Variants in UGT1A1 observed in about 807,000 individuals in gnomAD.
UGT1A1 encodes UDP glucuronosyltransferase family 1 member A1.
In UGT1A1, 33 loss-of-function variants were observed where a neutral mutation model predicts 40.6. That is an observed-to-expected ratio of 0.81 (90% CI 0.62 to 1.09). The LOEUF is 1.09. Ranked by LOEUF, UGT1A1 falls within the 50% of genes least tolerant of loss-of-function variation. The probability of loss-of-function intolerance (pLI) is 0.00; values close to 1 mark genes in which losing one functional copy is unlikely to be tolerated. For synonymous variants in UGT1A1, 249 were observed against 265.0 expected (o/e 0.94, Z 0.59); for missense variants, 694 against 671.2 (o/e 1.03, Z -0.38).
chr2:233,765,966 G>C (rs538817499), intron 1 of UGT1A1, among the ~76,000 whole-genome samples: 1 of 152,134 alleles, frequency 6.6e-6, no homozygotes, highest in African/African-American at 2.4e-5. Context: ...GTGTCTAGAG[G>C]TGGATGTTTA....
chr2:233,772,094 C>G (rs995748491), intron 4 of UGT1A1, among the ~76,000 whole-genome samples, 168 bp from the exon 5 acceptor site: 7 of 152,164 alleles, frequency 4.6e-5, no homozygotes, highest in Admixed American at 3.9e-4. Context: ...GCCCGGGCAA[C>G]AGGGCAAGAC....
chr2:233,770,703 G>C (rs1283135440), intron 4 of UGT1A1: 2 of 151,540 alleles, frequency 1.3e-5, no homozygotes, highest in African/African-American at 4.8e-5. Flanking sequence ...TCATCTTAAG[G>C]TTTATGTAAA....
At position 233,761,076 on chromosome 2, in the gene UGT1A1, T is replaced by A; in HGVS notation, c.789T>A (p.Asp263Glu). 4 of 1,614,164 alleles carry A rather than the reference T, an allele frequency of 2.5e-6. No individual in the cohort carries two copies. Among genetic ancestry groups the A allele is most frequent in the Non-Finnish European group, 3.4e-6 (4 of 1,180,020 alleles). The change falls in exon 1 of 5, where the codon GAT (aspartate) becomes GAA (glutamate). Residue 263 changes from aspartate (D) to glutamate (E), a missense_variant. By Grantham distance (45) the Asp-to-Glu change is conservative. Coordinates refer to ENST00000305208, the MANE Select transcript of UGT1A1 (RefSeq NM_000463.3). Reference sequence around the variant, plus strand: ...TGTTTAGAAGTGACTTTGTGAAGGATTACCCTAGGCCCATCATGCCCAATA... The same window carrying A: ...TGTTTAGAAGTGACTTTGTGAAGGAATACCCTAGGCCCATCATGCCCAATA... ...VWLFRSDFVKDYPRPIMPNMV... is the reference protein window; with the variant it reads ...VWLFRSDFVKEYPRPIMPNMV...
intron 4 of UGT1A1, chr2:233,771,210 C>A: frequency 6.6e-6 from 1 of 152,206 alleles, no homozygotes. Context: ...GGACAAATAT[C>A]CAAACTGTAT....
At chr2:233,766,252 CGCT>C (rs1699078846) in intron 1 of UGT1A1, among the ~76,000 whole-genome samples, 1 of 151,626 alleles carries the variant, frequency 6.6e-6, no homozygotes, top group Non-Finnish European at 1.5e-5. Flanking sequence ...GGAGTCAGAC[CGCT>C]CAGTGGCCCG....
chr2:233,772,245 A>T lies in UGT1A1; in HGVS notation c.1305-17A>T, dbSNP rs1279252088. The T allele has an allele frequency of 1.2e-6, 2 of 1,614,050 alleles. No individual in the cohort carries two copies. The highest frequency in any genetic ancestry group is 1.7e-5 in the Admixed American group (1 of 60,002). On this transcript the variant is annotated splice_polypyrimidine_tract_variant and intron_variant, in intron 4 of 4. Coordinates refer to ENST00000305208, the MANE Select transcript of UGT1A1 (RefSeq NM_000463.3). ...CCACAGGTGTTCCAGGCATAACGAAACTGTCTTTGTGTTTAGTTACAAGGA... is the reference window on the plus strand; with the variant it reads ...CCACAGGTGTTCCAGGCATAACGAATCTGTCTTTGTGTTTAGTTACAAGGA...
At chr2:233,768,114 G>T in intron 3 of UGT1A1, 106 bp from the exon 4 acceptor site, 2 of 1,597,766 alleles carry the variant, frequency 1.3e-6, no homozygotes. Flanking sequence ...TTCTGCAAGG[G>T]CATGTGAGTA....
chr2:233,769,857 CAAAA>C lies in UGT1A1; in HGVS notation c.1304+1432_1304+1435del, dbSNP rs879204025. On this transcript the variant is annotated intron_variant, in intron 4 of 4. Coordinates refer to ENST00000305208, the MANE Select transcript of UGT1A1 (RefSeq NM_000463.3). This position sits in a 1 kb window ranked among gnomAD's most constrained non-coding sequence, Gnocchi z 4.4. ...TGGGCAACAGAGTGAGACCCTGTCTCAAAAAAAAAAAAAAAAATGAAAAGTCCAC... is the reference window on the plus strand; with the variant it reads ...TGGGCAACAGAGTGAGACCCTGTCTCAAAAAAAAAAAAATGAAAAGTCCAC... The C allele has an allele frequency of 2.0e-3, 458 of 223,780 alleles. No individual in the cohort carries two copies. Among genetic ancestry groups the C allele is most frequent in the Middle Eastern group, 6.2e-3 (5 of 804 alleles). The allele number at this position is 223,780 out of a possible 1,614,324, so 13.9% of individuals were successfully genotyped here. A position where few individuals can be genotyped will look rare whatever the true frequency, so the allele number is the denominator to read the frequency against.
At chr2:233,762,469 A>G (rs1394204644) in intron 1 of UGT1A1, among the ~76,000 whole-genome samples, 1 of 152,192 alleles carries the variant, frequency 6.6e-6, no homozygotes, top group African/African-American at 2.4e-5. Context: ...AATGTCATGG[A>G]TATCACTCCA....
In UGT1A1 at chr2:233,761,165, T is replaced by A. The variant is rs1323342436; in HGVS notation, c.864+14T>A. On this transcript the variant is annotated intron_variant, in intron 1 of 4. Transcript: ENST00000305208. ...CCACTATCCCAGGTGTGTATTGGAG[T>A]GGGACTTTTACATGCGTATATTCTT... The A allele has an allele frequency of 6.2e-7, 1 of 1,614,204 alleles. No homozygotes were observed. Among genetic ancestry groups the A allele is most frequent in the Non-Finnish European group, 8.5e-7 (1 of 1,180,044 alleles).
chr2:233,768,154 C>G, intron 3 of UGT1A1, 66 bp from the exon 4 acceptor site: 1 of 1,612,760 alleles, frequency 6.2e-7, no homozygotes, highest in Non-Finnish European at 8.5e-7. Context: ...TTTTCAGAAC[C>G]TAGATGTGTC....
rs1191873899 is a variant in UGT1A1 at position 233,760,673 on chromosome 2, A to G, written c.386A>G (p.His129Arg). The G allele has an allele frequency of 2.5e-6, 4 of 1,614,214 alleles. No homozygotes were observed. Among genetic ancestry groups the G allele is most frequent in the Non-Finnish European group, 3.4e-6 (4 of 1,180,038 alleles). The part of the protein sequence containing the change: ...DSAMLLSGCS[H>R]LLHNKELMAS... Reference sequence around the variant, plus strand: ...GCTATGCTTTTGTCTGGCTGTTCCCACTTACTGCACAACAAGGAGCTCATG... The same window carrying G: ...GCTATGCTTTTGTCTGGCTGTTCCCGCTTACTGCACAACAAGGAGCTCATG... Residue 129 changes from histidine to arginine, a missense_variant, in exon 1 of 5, where the codon CAC becomes CGC. Coordinates refer to ENST00000305208, the MANE Select transcript of UGT1A1 (RefSeq NM_000463.3).
rs774677126 is a variant in UGT1A1 at position 233,772,538 on chromosome 2, C to A, written c.1581C>A (p.Ala527=). The change falls in exon 5 of 5, where the codon GCC becomes GCA. Residue 527 remains alanine, a synonymous_variant. Coordinates refer to ENST00000305208, the MANE Select transcript of UGT1A1 (RefSeq NM_000463.3). ...CLGKKGRVKK[A]HKSKTH ...GGAAAAAAGGGCGAGTTAAGAAAGC[C>A]CACAAATCCAAGACCCATTGAGAAG... The A allele has an allele frequency of 3.7e-6, 6 of 1,613,922 alleles. No homozygotes were observed. The Admixed American group carries it at 8.3e-5, about 22-fold the overall frequency.
rs1375578843 is a variant in UGT1A1, at chr2:233,769,338, C to A, written c.1304+899C>A. Among the ~76,000 whole-genome samples the A allele has an allele frequency of 6.6e-6, 1 of 152,184 alleles. No individual in the cohort carries two copies. Among genetic ancestry groups the A allele is most frequent in the East Asian group, 1.9e-4 (1 of 5,204 alleles). On this transcript the variant is annotated intron_variant, in intron 4 of 4. Transcript: ENST00000305208. The surrounding 1 kb of genome is among the most constrained non-coding windows in gnomAD (Gnocchi z 4.4). ...CTCACTGGTAATAGGCTTATTAGAA[C>A]CTTATGGGAAGAAGTGGTGGCCAGT...
chr2:233,764,219 C>T (rs759767670), intron 1 of UGT1A1, among the ~76,000 whole-genome samples: 2 of 152,130 alleles, frequency 1.3e-5, no homozygotes, highest in Non-Finnish European at 2.9e-5. Context: ...TGAAGGGAAT[C>T]AATGGTGGGG....
At chr2:233,763,879 G>A (rs983056292) in intron 1 of UGT1A1, among the ~76,000 whole-genome samples, 2 of 152,162 alleles carry the variant, frequency 1.3e-5, no homozygotes, top group South Asian at 2.1e-4. Flanking sequence ...CTGGGTCTGA[G>A]AAAAATAACT....
At chr2:233,763,400 C>G (rs1260538739) in intron 1 of UGT1A1, among the ~76,000 whole-genome samples, 3 of 152,186 alleles carry the variant, frequency 2.0e-5, no homozygotes, top group African/African-American at 7.2e-5. Context: ...CAACATGGCA[C>G]TGGTATTTTT....
chr2:233,772,237 A>G (rs1390917406), intron 4 of UGT1A1, 25 bp from the exon 5 acceptor site: 5 of 1,614,058 alleles, frequency 3.1e-6, no homozygotes, highest in Middle Eastern at 1.7e-4. Context: ...TGTTCCAGGC[A>G]TAACGAAACT....
chr2:233,765,493 A>G (rs1698849482), intron 1 of UGT1A1, among the ~76,000 whole-genome samples: 1 of 152,138 alleles, frequency 6.6e-6, no homozygotes, highest in African/African-American at 2.4e-5. Context: ...ATCCTCCACA[A>G]ACTAACACAG....
Sources: allele counts gnomAD v4.1 joint callset (sites outside exome capture counted in the v4.1 genomes callset), GRCh38; gene constraint gnomAD v4.1.1; non-coding constraint Gnocchi (gnomAD v3.1); transcripts MANE v1.5; gene names NCBI Gene and HGNC (gene_info 2026-07-23, HGNC 2026-07-21).